Variants in EPHA7 observed in about 807,000 individuals in gnomAD.
The protein encoded by EPHA7 is EPH receptor A7.
A neutral mutation model predicts 112.6 loss-of-function variants in EPHA7; 25 were observed. The ratio of observed to expected loss-of-function variants is 0.22; its 90% CI spans 0.16 to 0.31. The LOEUF is 0.31. EPHA7 is among the 10% of genes least tolerant of loss of function. The pLI is 1.00. For missense variants in EPHA7, 962 were observed against 1,212.6 expected, an observed-to-expected ratio of 0.79 and a Z score of 3.07; for synonymous variants, 437 against 406.5, an observed-to-expected ratio of 1.07 and a Z score of -0.90.
chr6:93,330,256 C>T (rs988962758), intron 5 of EPHA7, among the ~76,000 whole-genome samples: 1 of 151,144 alleles, frequency 6.6e-6, no homozygotes, highest in Admixed American at 6.6e-5. Context: ...TTAGCATATC[C>T]ATTACCTCAA....
At chr6:93,342,988 A>T (rs1775216662) in intron 5 of EPHA7, among the ~76,000 whole-genome samples, 1 of 151,768 alleles carries the variant, frequency 6.6e-6, no homozygotes. Flanking sequence ...TCACAAAAAA[A>T]TCAATTACTA....
At chr6:93,343,529 G>A (rs1388807029) in intron 5 of EPHA7, among the ~76,000 whole-genome samples, 1 of 151,724 alleles carries the variant, frequency 6.6e-6, no homozygotes, top group African/African-American at 2.4e-5. Context: ...TAAAGGTTAT[G>A]AATTAAAATT....
chr6:93,257,964 A>T, intron 11 of EPHA7, 135 bp downstream of exon 11: 2 of 800,884 alleles, frequency 2.5e-6, no homozygotes, highest in African/African-American at 1.8e-5. Context: ...GAATTTTTTG[A>T]TTAGTTACAT....
Position 93,411,087 on chromosome 6 carries a change from G to A in EPHA7, c.246C>T (p.Asn82=), listed in dbSNP as rs2127995012. 1 of 1,613,728 alleles carries A rather than the reference G, an allele frequency of 6.2e-7. No homozygotes were observed. Among genetic ancestry groups the A allele is most frequent in the Non-Finnish European group, 8.5e-7 (1 of 1,179,914 alleles). ...QVCQVMEPNQ[N]NWLRTNWISK... ...AAATCCAGTTAGTCCGCAGCCAGTTGTTTTGGTTGGGCTCCATGACTTGGC... is the reference window on the plus strand; with the variant it reads ...AAATCCAGTTAGTCCGCAGCCAGTTATTTTGGTTGGGCTCCATGACTTGGC... The change falls in exon 3 of 17, where the codon AAC becomes AAT. Residue 82 remains asparagine (N), a synonymous_variant. Transcript: ENST00000369303.
At chr6:93,245,817 C>A (rs1464955101) in intron 15 of EPHA7, among the ~76,000 whole-genome samples, 2 of 152,144 alleles carry the variant, frequency 1.3e-5, no homozygotes, top group Non-Finnish European at 2.9e-5. Flanking sequence ...CACGAGGGTG[C>A]TGTAGAGATA....
chr6:93,249,750 C>A (rs1372852704), intron 14 of EPHA7, among the ~76,000 whole-genome samples: 1 of 152,076 alleles, frequency 6.6e-6, no homozygotes, highest in African/African-American at 2.4e-5. Context: ...TTCTTTCCCT[C>A]CAAATAATGT....
At chr6:93,322,857 C>T (rs998062655) in intron 5 of EPHA7, among the ~76,000 whole-genome samples, 1 of 151,512 alleles carries the variant, frequency 6.6e-6, no homozygotes, top group African/African-American at 2.4e-5. Context: ...AGCATACTGT[C>T]CCCCATCTGT....
At chr6:93,350,434 G>T (rs1045585117) in intron 5 of EPHA7, among the ~76,000 whole-genome samples, 1 of 151,878 alleles carries the variant, frequency 6.6e-6, no homozygotes, top group East Asian at 1.9e-4. Context: ...ATAATTTACC[G>T]TGTGACCTTT....
chr6:93,285,827 G>A (rs1772034899), intron 5 of EPHA7, among the ~76,000 whole-genome samples: 1 of 152,182 alleles, frequency 6.6e-6, no homozygotes. Flanking sequence ...TAAAGTAGAT[G>A]ATGTACTGAC....
chr6:93,304,194 G>A (rs534281649), intron 5 of EPHA7, among the ~76,000 whole-genome samples: 1 of 151,752 alleles, frequency 6.6e-6, no homozygotes, highest in East Asian at 1.9e-4. Flanking sequence ...TATACTTGTA[G>A]TATACATTGA....
chr6:93,293,575 G>A (rs1772494836), intron 5 of EPHA7, among the ~76,000 whole-genome samples: 1 of 151,948 alleles, frequency 6.6e-6, no homozygotes, highest in African/African-American at 2.4e-5. Flanking sequence ...CCAATCTGTC[G>A]ACACTGGTAT....
At chr6:93,299,487 A>T (rs1772860253) in intron 5 of EPHA7, among the ~76,000 whole-genome samples, 1 of 152,180 alleles carries the variant, frequency 6.6e-6, no homozygotes, top group African/African-American at 2.4e-5. Flanking sequence ...AAAATAAAAG[A>T]TGCTGGCAAG....
chr6:93,246,330 G>A (rs1292270833), intron 15 of EPHA7, among the ~76,000 whole-genome samples: 3 of 152,064 alleles, frequency 2.0e-5, no homozygotes, highest in Admixed American at 6.6e-5. Flanking sequence ...GATTACAAGC[G>A]TGAGCCACCG....
intron 5 of EPHA7, among the ~76,000 whole-genome samples, chr6:93,352,336 G>A (rs17688085): frequency 0.05 from 7,588 of 152,158 alleles, 274 homozygotes; most frequent in South Asian, 0.084. Flanking sequence ...TCTGTGCTAC[G>A]ATACTTAGTC....
At chr6:93,412,328 T>G (rs1779017756) in intron 2 of EPHA7, among the ~76,000 whole-genome samples, 2 of 152,252 alleles carry the variant, frequency 1.3e-5, no homozygotes, top group South Asian at 4.1e-4. Context: ...TAAATACTTT[T>G]ATTTTAAATA....
intron 5 of EPHA7, among the ~76,000 whole-genome samples, chr6:93,283,003 G>A (rs1054997586): frequency 5.9e-5 from 9 of 152,200 alleles, no homozygotes; most frequent in African/African-American, 1.9e-4. Flanking sequence ...AGCAGGGCGC[G>A]GGACTGGCAG....
intron 5 of EPHA7, among the ~76,000 whole-genome samples, chr6:93,352,883 G>T (rs1471281152): frequency 5.3e-5 from 8 of 152,002 alleles, no homozygotes. Flanking sequence ...GGAGCTAAAT[G>T]ATGAGAACAC....
chr6:93,409,775 T>C (rs1185045606), intron 3 of EPHA7: 3 of 151,482 alleles, frequency 2.0e-5, no homozygotes, highest in Non-Finnish European at 4.4e-5. Flanking sequence ...AAAAAAACGG[T>C]TTTATAAAAC....
At chr6:93,280,129 A>G (rs1246575011) in intron 5 of EPHA7, among the ~76,000 whole-genome samples, 1 of 152,186 alleles carries the variant, frequency 6.6e-6, no homozygotes, top group East Asian at 1.9e-4. Context: ...ACAAGTTAGA[A>G]CATGAATGCT....
Sources: allele counts gnomAD v4.1 joint callset (sites outside exome capture counted in the v4.1 genomes callset), GRCh38; gene constraint gnomAD v4.1.1; transcripts MANE v1.5; gene names NCBI Gene and HGNC (gene_info 2026-07-23, HGNC 2026-07-21).